Variants in DMD observed in about 807,000 individuals in gnomAD.
DMD encodes mutant dystrophin.
In DMD, 63 loss-of-function variants were observed where a neutral mutation model predicts 330.1. The observed-to-expected ratio is 0.19, with a 90% CI of 0.16 to 0.24. The LOEUF (loss-of-function observed/expected upper bound fraction) is 0.24, where lower values mean the gene tolerates loss of function less well. DMD is among the 10% of genes least tolerant of loss of function. DMD has a pLI of 1.00. For synonymous variants in DMD, 1,223 were observed against 959.8 expected, an observed-to-expected ratio of 1.27 and a Z score of -5.07; for missense variants, 3,344 against 2,684.1, an observed-to-expected ratio of 1.25 and a Z score of -5.43.
At chrX:32,514,021 G>A (rs2045599431) in intron 18 of DMD, among the ~76,000 whole-genome samples, 1 of 111,427 alleles carries the variant, frequency 9.0e-6, no homozygotes, top group South Asian at 3.8e-4. Context: ...GTATTCACAT[G>A]CATGTTTATA....
intron 68 of DMD, among the ~76,000 whole-genome samples, chrX:31,181,442 T>C (rs1377181524): frequency 9.0e-6 from 1 of 111,520 alleles, no homozygotes; most frequent in African/African-American, 3.3e-5. Flanking sequence ...TTCTTTATTT[T>C]ATAAAAATTT....
intron 30 of DMD, among the ~76,000 whole-genome samples, chrX:32,403,702 T>C (rs1424723253): frequency 8.9e-6 from 1 of 112,022 alleles, no homozygotes; most frequent in African/African-American, 3.2e-5. Context: ...GGGTGGCCTT[T>C]CAATGTTAGA....
At chrX:32,347,096 T>A (rs1253334988) in intron 38 of DMD, among the ~76,000 whole-genome samples, 2 of 111,904 alleles carry the variant, frequency 1.8e-5, no homozygotes, top group East Asian at 5.6e-4. Flanking sequence ...GAGGACTGAT[T>A]CATTTTGTAT....
chrX:32,184,075 A>G (rs955289883), intron 44 of DMD, among the ~76,000 whole-genome samples: 6 of 110,480 alleles, frequency 5.4e-5, no homozygotes, highest in African/African-American at 1.6e-4. Flanking sequence ...GTAAATATCG[A>G]TATCTTAAAA....
intron 61 of DMD, among the ~76,000 whole-genome samples, chrX:31,331,934 C>T (rs1429038856): frequency 9.0e-6 from 1 of 111,634 alleles, no homozygotes; most frequent in Non-Finnish European, 1.9e-5. Flanking sequence ...CATTAGAAAG[C>T]GAGAAGAGTG....
chrX:32,421,781 G>A (rs751040637), intron 29 of DMD, among the ~76,000 whole-genome samples: 4 of 111,619 alleles, frequency 3.6e-5, no homozygotes, highest in Non-Finnish European at 7.5e-5. Context: ...CCGGTGTGAC[G>A]CTTTAACTTG....
intron 29 of DMD, among the ~76,000 whole-genome samples, chrX:32,420,285 A>G (rs143933754): frequency 1.0e-3 from 112 of 112,281 alleles, no homozygotes; most frequent in African/African-American, 3.5e-3. Context: ...GTGAGACAGA[A>G]TCAGATTCTA....
intron 44 of DMD, among the ~76,000 whole-genome samples, chrX:31,988,999 C>G (rs902147108): frequency 1.8e-5 from 2 of 111,974 alleles, no homozygotes; most frequent in African/African-American, 6.5e-5. Flanking sequence ...GCTTAAGACT[C>G]AAGAAGACCC....
chrX:32,489,057 C>T (rs1034368045), intron 20 of DMD, among the ~76,000 whole-genome samples: 7 of 111,382 alleles, frequency 6.3e-5, no homozygotes, highest in African/African-American at 2.3e-4. Flanking sequence ...TTCCCTGTTA[C>T]TCATTCTCCC....
At chrX:32,517,867 A>C (rs2046011254) in intron 18 of DMD, 141 bp downstream of exon 18, 1 of 712,275 alleles carries the variant, frequency 1.4e-6, no homozygotes, top group African/African-American at 2.1e-5. Flanking sequence ...CTTGCTATCT[A>C]AAATATATTT....
At chrX:31,616,460 CA>C (rs760423606) in intron 55 of DMD, among the ~76,000 whole-genome samples, 1 of 111,478 alleles carries the variant, frequency 9.0e-6, no homozygotes, top group African/African-American at 3.3e-5. Context: ...AAACGAGACT[CA>C]GGGGCAATTG....
At chrX:31,264,698 G>C (rs1196457619) in intron 62 of DMD, among the ~76,000 whole-genome samples, 1 of 111,252 alleles carries the variant, frequency 9.0e-6, no homozygotes, top group African/African-American at 3.3e-5. Context: ...AAAATATAAA[G>C]TCATCGACTA....
chrX:31,918,239 G>A (rs962363110), intron 47 of DMD, among the ~76,000 whole-genome samples: 1 of 112,210 alleles, frequency 8.9e-6, no homozygotes, highest in Non-Finnish European at 1.9e-5. Flanking sequence ...CTCACTAGAC[G>A]CTGGGAGATG....
At chrX:32,358,868 C>G (rs2097819197) in intron 37 of DMD, among the ~76,000 whole-genome samples, 1 of 111,437 alleles carries the variant, frequency 9.0e-6, no homozygotes. Context: ...TATTTTTAAC[C>G]ATTTCATATC....
At chrX:32,644,931 T>C (rs1469093204) in intron 10 of DMD, 33 bp downstream of exon 10, 1 of 1,185,792 alleles carries the variant, frequency 8.4e-7, no homozygotes, top group East Asian at 3.0e-5. Flanking sequence ...ACAAGTCATA[T>C]GTTTTGTTTT....
chrX:32,961,318 T>C (rs1290604365), intron 2 of DMD, among the ~76,000 whole-genome samples: 2 of 111,552 alleles, frequency 1.8e-5, no homozygotes, highest in African/African-American at 6.5e-5. Flanking sequence ...AAGTTTTTTA[T>C]GGTATGGTTG....
intron 55 of DMD, among the ~76,000 whole-genome samples, chrX:31,609,030 G>T (rs1461506381): frequency 1.8e-5 from 2 of 112,037 alleles, no homozygotes; most frequent in African/African-American, 3.2e-5. Flanking sequence ...ATTCTTCAGG[G>T]TGTAATTTTT....
At chrX:31,166,635 C>T (rs1011577697) in intron 74 of DMD, among the ~76,000 whole-genome samples, 1 of 111,292 alleles carries the variant, frequency 9.0e-6, no homozygotes, top group Non-Finnish European at 1.9e-5. Context: ...ATTAAAGGCT[C>T]CTTAAGCAAC....
intron 11 of DMD, among the ~76,000 whole-genome samples, chrX:32,628,057 A>G (rs1164291249): frequency 9.2e-6 from 1 of 108,583 alleles, no homozygotes; most frequent in Non-Finnish European, 1.9e-5. Flanking sequence ...TTCCAATTAT[A>G]CTTTTTGTTA....
Sources: gnomAD v4.1 joint callset for allele counts (sites outside exome capture counted in the v4.1 genomes callset) on GRCh38, gnomAD v4.1.1 for gene constraint, MANE v1.5 for transcripts, NCBI Gene and HGNC (gene_info 2026-07-23, HGNC 2026-07-21) for gene names.